Variants in ZNF704 observed in about 807,000 individuals in gnomAD.
ZNF704 encodes zinc finger protein 704.
In ZNF704, 10 loss-of-function variants were observed where a neutral mutation model predicts 44.7. That is an observed-to-expected ratio of 0.22 (90% CI 0.14 to 0.38). The LOEUF (loss-of-function observed/expected upper bound fraction) is 0.38, where lower values mean the gene tolerates loss of function less well. Among genes scored for constraint, ZNF704 ranks in the 10% least tolerant of loss-of-function variants. The pLI, the probability that ZNF704 is intolerant of heterozygous loss-of-function variation, is 1.00. For missense variants in ZNF704, 390 were observed against 545.5 expected (o/e 0.71, Z 2.84); for synonymous variants, 211 against 207.6 (o/e 1.02, Z -0.14).
intron 1 of ZNF704, among the ~76,000 whole-genome samples, chr8:80,855,456 G>GA (rs1808943696): frequency 6.6e-6 from 1 of 151,982 alleles, no homozygotes; most frequent in African/African-American, 2.4e-5. Flanking sequence ...CCATAAAAAA[G>GA]AATGAGATCC....
chr8:80,646,171 T>TA (rs1019305341), intron 7 of ZNF704, among the ~76,000 whole-genome samples: 3 of 152,268 alleles, frequency 2.0e-5, no homozygotes, highest in African/African-American at 7.2e-5. Flanking sequence ...GCACAAAACT[T>TA]AGACATTTAA....
intron 1 of ZNF704, among the ~76,000 whole-genome samples, chr8:80,841,878 C>T (rs565494597): frequency 6.6e-6 from 1 of 152,332 alleles, no homozygotes; most frequent in South Asian, 2.1e-4. Context: ...CAGCCTCAAA[C>T]TCCTGGGCTC....
At chr8:80,687,831 T>A (rs1320237648) in intron 3 of ZNF704, among the ~76,000 whole-genome samples, 1 of 152,186 alleles carries the variant, frequency 6.6e-6, no homozygotes, top group Non-Finnish European at 1.5e-5. Context: ...GAAAGAAATA[T>A]CATTTGCAGT....
intron 1 of ZNF704, among the ~76,000 whole-genome samples, chr8:80,856,787 A>C (rs1281474930): frequency 2.6e-5 from 4 of 152,226 alleles, no homozygotes; most frequent in Non-Finnish European, 5.9e-5. Context: ...AAGTAGATTA[A>C]GTCTTCCAAT....
chr8:80,807,869 G>A (rs921994454), intron 2 of ZNF704, among the ~76,000 whole-genome samples: 9 of 152,186 alleles, frequency 5.9e-5, no homozygotes, highest in African/African-American at 9.6e-5. Context: ...CTTTTACCTC[G>A]TTTTAACCTT....
At chr8:80,821,035 G>A (rs893307836) in intron 2 of ZNF704, among the ~76,000 whole-genome samples, 1 of 152,296 alleles carries the variant, frequency 6.6e-6, no homozygotes, top group African/African-American at 2.4e-5. Context: ...CACTTGCTTT[G>A]AAGTGGCTAC....
chr8:80,684,486 C>T (rs936135494), intron 4 of ZNF704, among the ~76,000 whole-genome samples: 4 of 152,092 alleles, frequency 2.6e-5, no homozygotes, highest in Admixed American at 2.0e-4. Context: ...AAACAATACC[C>T]ACAGAACAAG....
rs1238435208 is a variant in ZNF704 at position 80,633,194 on chromosome 8, G to C, written c.*8172C>G. On this transcript the variant is annotated 3_prime_UTR_variant, in exon 9 of 9. Transcript: ENST00000327835. ...CAACTCTGAGTTTACAGTATGTTTTGATTTGATCATTACAGATTATAAATT... is the reference window on the plus strand; with the variant it reads ...CAACTCTGAGTTTACAGTATGTTTTCATTTGATCATTACAGATTATAAATT... 1 of 151,748 alleles carries C rather than the reference G, an allele frequency of 6.6e-6. No homozygotes were observed. Among genetic ancestry groups the C allele is most frequent in the African/African-American group, 2.4e-5 (1 of 41,388 alleles). 9.4% of individuals were successfully genotyped at this position (151,748 alleles called of 1,614,324 possible). A position where few individuals can be genotyped will look rare whatever the true frequency, so the allele number is the denominator to read the frequency against.
rs113804800 is a variant in ZNF704 at position 80,867,350 on chromosome 8, T to C, written c.-22+7221A>G. Among the ~76,000 whole-genome samples the C allele has an allele frequency of 3.6e-3, 554 of 152,194 alleles. 2 individuals are homozygous for C. Among genetic ancestry groups the C allele is most frequent in the African/African-American group, 0.013 (533 of 41,508 alleles). On this transcript the variant is annotated intron_variant, in intron 1 of 8. Coordinates refer to ENST00000327835, the MANE Select transcript of ZNF704 (RefSeq NM_001033723.3). Reference sequence around the variant, plus strand: ...GTAAGTAGTAGACCACTTCAGAAAATTGTGGATTTTCAACCCACAACTCTA... The same window carrying C: ...GTAAGTAGTAGACCACTTCAGAAAACTGTGGATTTTCAACCCACAACTCTA...
chr8:80,824,055 A>G (rs957493559), intron 1 of ZNF704, among the ~76,000 whole-genome samples: 1 of 152,208 alleles, frequency 6.6e-6, no homozygotes, highest in African/African-American at 2.4e-5. Context: ...CCAGCAACAG[A>G]ACAAAGCTGG....
chr8:80,779,027 G>A (rs191515301), intron 2 of ZNF704, among the ~76,000 whole-genome samples: 181 of 151,776 alleles, frequency 1.2e-3, no homozygotes, highest in Non-Finnish European at 2.2e-3. Flanking sequence ...AAAAAAAAGG[G>A]ATCACCCATT....
chr8:80,638,921 GT>G lies in ZNF704; in HGVS notation c.*2444del, dbSNP rs1336734298. On this transcript the variant is annotated 3_prime_UTR_variant, in exon 9 of 9. Coordinates refer to ENST00000327835, the MANE Select transcript of ZNF704 (RefSeq NM_001033723.3). Reference sequence around the variant, plus strand: ...TCCCAGGGAAGCTACATTCAGCTCTGTAGTTCTGCTTATACCTGTGCACTGG... The same window carrying G: ...TCCCAGGGAAGCTACATTCAGCTCTGAGTTCTGCTTATACCTGTGCACTGG... 1 of 152,336 alleles carries G rather than the reference GT, an allele frequency of 6.6e-6. No homozygotes were observed. The highest frequency in any genetic ancestry group is 1.5e-5 in the Non-Finnish European group (1 of 68,120). The allele number at this position is 152,336 out of a possible 1,614,324, so 9.4% of individuals were successfully genotyped here. A position where few individuals can be genotyped will look rare whatever the true frequency, so the allele number is the denominator to read the frequency against.
intron 2 of ZNF704, among the ~76,000 whole-genome samples, chr8:80,714,388 T>A (rs1309367329): frequency 6.6e-6 from 1 of 152,224 alleles, no homozygotes; most frequent in Non-Finnish European, 1.5e-5. Flanking sequence ...CTTGTAGTCA[T>A]GAGACTCTTT....
chr8:80,853,384 T>C (rs1039218496), intron 1 of ZNF704, among the ~76,000 whole-genome samples: 7 of 152,160 alleles, frequency 4.6e-5, no homozygotes, highest in African/African-American at 1.4e-4. Context: ...CAACAATCTA[T>C]GAAAAATGAG....
chr8:80,774,892 A>C (rs976815586), intron 2 of ZNF704, among the ~76,000 whole-genome samples: 5 of 152,316 alleles, frequency 3.3e-5, no homozygotes, highest in Admixed American at 2.0e-4. Flanking sequence ...TTCAGCTCCA[A>C]GTCTGGGATA....
At chr8:80,701,839 A>G (rs1818815440) in intron 2 of ZNF704, among the ~76,000 whole-genome samples, 1 of 152,162 alleles carries the variant, frequency 6.6e-6, no homozygotes, top group Non-Finnish European at 1.5e-5. Context: ...GTGGAAGTGG[A>G]CTGCTGTGGG....
chr8:80,848,613 G>A (rs1808806724), intron 1 of ZNF704, among the ~76,000 whole-genome samples: 1 of 152,114 alleles, frequency 6.6e-6, no homozygotes, highest in African/African-American at 2.4e-5. Flanking sequence ...GGGGGGCCAA[G>A]GTGGGTGGAT....
chr8:80,680,136 T>G (rs927894279), intron 4 of ZNF704, among the ~76,000 whole-genome samples: 1 of 152,106 alleles, frequency 6.6e-6, no homozygotes, highest in Non-Finnish European at 1.5e-5. Context: ...ATACTTAGGA[T>G]TGATATAGTG....
chr8:80,860,425 T>C (rs1809040130), intron 1 of ZNF704, among the ~76,000 whole-genome samples: 1 of 152,250 alleles, frequency 6.6e-6, no homozygotes, highest in Non-Finnish European at 1.5e-5. Context: ...CTTGTAGAAC[T>C]TCACAAGTTG....
Sources: gnomAD v4.1 joint callset for allele counts (sites outside exome capture counted in the v4.1 genomes callset) on GRCh38, gnomAD v4.1.1 for gene constraint, MANE v1.5 for transcripts, NCBI Gene and HGNC (gene_info 2026-07-23, HGNC 2026-07-21) for gene names.